Variants in ADAM12 observed in about 807,000 individuals in gnomAD.
ADAM12 encodes disintegrin and metalloproteinase domain-containing protein 12.
In ADAM12, 70 loss-of-function variants were observed where a neutral mutation model predicts 106.4. The ratio of observed to expected loss-of-function variants is 0.66; its 90% CI spans 0.54 to 0.80. The LOEUF is 0.80. Ranked by LOEUF, ADAM12 falls within the 30% of genes least tolerant of loss-of-function variation. The pLI is 0.00. For synonymous variants in ADAM12, 420 were observed against 433.5 expected (o/e 0.97, Z 0.39); for missense variants, 1,010 against 1,171.9 (o/e 0.86, Z 2.02).
intron 1 of ADAM12, among the ~76,000 whole-genome samples, chr10:126,351,522 A>G (rs2133887287): frequency 6.6e-6 from 1 of 152,224 alleles, no homozygotes; most frequent in South Asian, 2.1e-4. Context: ...ACCTGGCCAC[A>G]CTGGAGGGGA....
chr10:126,193,056 G>C (rs974673893), intron 3 of ADAM12, among the ~76,000 whole-genome samples: 1 of 152,046 alleles, frequency 6.6e-6, no homozygotes, highest in African/African-American at 2.4e-5. Context: ...ACAAGGTCAG[G>C]AGATCAAGAC....
chr10:126,291,584 T>C (rs1960150100), intron 2 of ADAM12, among the ~76,000 whole-genome samples: 1 of 152,208 alleles, frequency 6.6e-6, no homozygotes, highest in South Asian at 2.1e-4. Flanking sequence ...TTCCCTTTGC[T>C]TGCCTGCCTG....
chr10:126,374,465 T>C (rs1452519301), intron 1 of ADAM12, among the ~76,000 whole-genome samples: 1 of 151,974 alleles, frequency 6.6e-6, no homozygotes, highest in Non-Finnish European at 1.5e-5. Context: ...AAAGAAAAGA[T>C]AATAAAAGAT....
chr10:126,187,955 C>A (rs936653068), intron 3 of ADAM12, among the ~76,000 whole-genome samples: 1 of 152,148 alleles, frequency 6.6e-6, no homozygotes, highest in Admixed American at 6.5e-5. Flanking sequence ...GAAAGAAGCA[C>A]ATGTCTGCTT....
intron 2 of ADAM12, among the ~76,000 whole-genome samples, chr10:126,280,207 A>G (rs1959501126): frequency 3.3e-5 from 5 of 152,112 alleles, no homozygotes; most frequent in Admixed American, 2.6e-4. Flanking sequence ...ATAACAACTG[A>G]AGGTCACATG....
chr10:126,308,576 A>G (rs1473833797), intron 2 of ADAM12, among the ~76,000 whole-genome samples: 3 of 152,230 alleles, frequency 2.0e-5, no homozygotes, highest in Non-Finnish European at 4.4e-5. Context: ...GATAGTATAA[A>G]AGCAAACTTT....
At chr10:126,190,198 C>T (rs943382246) in intron 3 of ADAM12, among the ~76,000 whole-genome samples, 4 of 138,354 alleles carry the variant, frequency 2.9e-5, no homozygotes, top group Non-Finnish European at 6.0e-5. Flanking sequence ...CCAATTCACT[C>T]TTTTTTTTTT....
intron 3 of ADAM12, among the ~76,000 whole-genome samples, chr10:126,194,958 A>G (rs1026269375): frequency 1.3e-5 from 2 of 152,208 alleles, no homozygotes; most frequent in Non-Finnish European, 2.9e-5. Context: ...AGAATTTGAT[A>G]GTCTTGTTAC....
At chr10:126,051,606 T>C (rs12356197) in intron 14 of ADAM12, among the ~76,000 whole-genome samples, 20 of 57,970 alleles carry the variant, frequency 3.5e-4, no homozygotes, top group South Asian at 5.4e-4. Context: ...GCCAGCCACC[T>C]GTCCATCCAT....
intron 8 of ADAM12, among the ~76,000 whole-genome samples, chr10:126,108,207 A>C (rs2133596810): frequency 6.6e-6 from 1 of 152,336 alleles, no homozygotes; most frequent in South Asian, 2.1e-4. Context: ...TGATGGGGAC[A>C]GATTGAAGGG....
intron 2 of ADAM12, among the ~76,000 whole-genome samples, chr10:126,316,230 T>C (rs997709656): frequency 3.9e-5 from 6 of 152,178 alleles, no homozygotes; most frequent in Non-Finnish European, 8.8e-5. Flanking sequence ...ATGCAGTTTT[T>C]AAAAGGGCAA....
At chr10:126,274,291 TG>T (rs1959199528) in intron 3 of ADAM12, among the ~76,000 whole-genome samples, 1 of 152,176 alleles carries the variant, frequency 6.6e-6, no homozygotes, top group Non-Finnish European at 1.5e-5. Flanking sequence ...TGCAGGGTTT[TG>T]GCTGTGCCCC....
In ADAM12 at chr10:126,039,304, C is replaced by T. The variant is rs1003064932; in HGVS notation, c.2230G>A (p.Glu744Lys). ...CTAAACCCAGGGTACCTTAGTTTTT[C>T]AATGGTGGTCTTCTTATTTGTAAAC... ...LLFTNKKTTI[E>K]KLRCVRPSRP... The change falls in exon 19 of 23, where the codon GAA (glutamate) becomes AAA (lysine). Residue 744 changes from glutamate (E) to lysine (K), a missense_variant. Glu to Lys is a moderately conservative substitution (Grantham distance 56). This residue lies in a region of ADAM12 where 615 missense variants were observed against 708.5 expected (regional missense o/e 0.87). Coordinates refer to ENST00000448723, the MANE Select transcript of ADAM12 (RefSeq NM_001288973.2). 3 of 1,613,792 alleles carry T rather than the reference C, an allele frequency of 1.9e-6. No homozygotes were observed. In the African/African-American group the frequency reaches 4.0e-5, roughly 22 times the overall value.
intron 1 of ADAM12, among the ~76,000 whole-genome samples, chr10:126,382,161 G>T (rs1856516043): frequency 7.0e-6 from 1 of 141,948 alleles, no homozygotes; most frequent in Non-Finnish European, 1.6e-5. Flanking sequence ...TGGGAACAGG[G>T]GGCACTGGGC....
chr10:126,248,151 C>T (rs1958665730), intron 3 of ADAM12, among the ~76,000 whole-genome samples: 1 of 152,126 alleles, frequency 6.6e-6, no homozygotes, highest in Non-Finnish European at 1.5e-5. Context: ...TTGAGTGTGG[C>T]AGTCATACCC....
intron 11 of ADAM12, among the ~76,000 whole-genome samples, chr10:126,079,486 A>G (rs573095279): frequency 1.3e-5 from 2 of 152,308 alleles, no homozygotes; most frequent in South Asian, 4.2e-4. Flanking sequence ...GTTCAGCCAC[A>G]TGGTAGCATG....
chr10:126,255,570 A>G (rs1590691386), intron 3 of ADAM12, among the ~76,000 whole-genome samples: 1 of 152,234 alleles, frequency 6.6e-6, no homozygotes, highest in African/African-American at 2.4e-5. Flanking sequence ...TTTCCAGGAA[A>G]ACTGATTTTT....
At chr10:126,187,709 G>A (rs1957425447) in intron 3 of ADAM12, among the ~76,000 whole-genome samples, 1 of 152,192 alleles carries the variant, frequency 6.6e-6, no homozygotes, top group African/African-American at 2.4e-5. Flanking sequence ...GCACAGAGAG[G>A]GCACCAGGTG....
chr10:126,159,449 C>A (rs142839682), intron 3 of ADAM12, among the ~76,000 whole-genome samples: 1 of 151,908 alleles, frequency 6.6e-6, no homozygotes, highest in Admixed American at 6.6e-5. Flanking sequence ...TCTATCACAT[C>A]CTTTATTAAT....
Sources: gnomAD v4.1 joint callset for allele counts (sites outside exome capture counted in the v4.1 genomes callset) on GRCh38, gnomAD v4.1.1 for gene constraint, gnomAD v4.1.1 regional missense constraint, MANE v1.5 for transcripts, NCBI Gene and HGNC (gene_info 2026-07-23, HGNC 2026-07-21) for gene names.